The following DLC1 variants were observed in gnomAD, a reference collection of about 807,000 sequenced individuals.
DLC1 encodes the protein rho GTPase-activating protein 7.
A neutral mutation model predicts 140.3 loss-of-function variants in DLC1; 54 were observed. That is an observed-to-expected ratio of 0.38 (90% CI 0.31 to 0.48). The LOEUF (loss-of-function observed/expected upper bound fraction) is 0.48. DLC1 is among the 20% of genes least tolerant of loss of function. The pLI is 0.96. For synonymous variants in DLC1, 986 were observed against 728.1 expected, an observed-to-expected ratio of 1.35 and a Z score of -5.70; for missense variants, 2,536 against 1,907.0, an observed-to-expected ratio of 1.33 and a Z score of -6.14.
In DLC1 at chr8:13,095,068, C is replaced by A. The variant is rs202095993; in HGVS notation, c.3327+18G>T. ...CCGAGCTCCCCTGAGTACGTGGACC[C>A]GCAGGCAGCGCTCTCACCTGATCCA... On this transcript the variant is annotated intron_variant, in intron 11 of 17. Transcript: ENST00000276297. 6.8e-6 allele frequency: 11 copies of A among 1,613,864 alleles called. No individual in the cohort carries two copies. Among genetic ancestry groups the A allele is most frequent in the Middle Eastern group, 1.6e-4 (1 of 6,084 alleles).
intron 1 of DLC1, among the ~76,000 whole-genome samples, 190 bp from the exon 2 acceptor site, chr8:13,500,386 CT>C (rs1801757916): frequency 1.3e-5 from 2 of 152,110 alleles, no homozygotes; most frequent in African/African-American, 4.8e-5. Context: ...TTGAATATTT[CT>C]GATAAAAATC....
At chr8:13,289,543 C>A (rs1241965798) in intron 5 of DLC1, among the ~76,000 whole-genome samples, 1 of 152,178 alleles carries the variant, frequency 6.6e-6, no homozygotes, top group African/African-American at 2.4e-5. Context: ...GTTGCCCAGG[C>A]TGGCTTTGAA....
At chr8:13,174,765 T>G (rs1427803540) in intron 5 of DLC1, among the ~76,000 whole-genome samples, 2 of 152,206 alleles carry the variant, frequency 1.3e-5, no homozygotes, top group African/African-American at 4.8e-5. Flanking sequence ...ATATTAGAAC[T>G]TTGTCAGATG....
intron 2 of DLC1, among the ~76,000 whole-genome samples, chr8:13,408,429 C>T (rs1419634674): frequency 6.6e-6 from 1 of 152,158 alleles, no homozygotes; most frequent in East Asian, 1.9e-4. Context: ...TTCTCTTTTG[C>T]TAGGTTTTTA....
intron 5 of DLC1, among the ~76,000 whole-genome samples, chr8:13,259,442 A>G (rs546721997): frequency 8.0e-4 from 122 of 152,364 alleles, no homozygotes; most frequent in Non-Finnish European, 1.6e-3. Context: ...GCCTTGGAAG[A>G]GTCAATGCAA....
chr8:13,603,939 T>G (rs1805967027), intron 1 of DLC1, among the ~76,000 whole-genome samples: 1 of 152,084 alleles, frequency 6.6e-6, no homozygotes, highest in African/African-American at 2.4e-5. Context: ...GTTTGGTACA[T>G]TAGCTAATTG....
At chr8:13,564,337 C>T (rs1199945017) in intron 1 of DLC1, among the ~76,000 whole-genome samples, 1 of 152,120 alleles carries the variant, frequency 6.6e-6, no homozygotes, top group African/African-American at 2.4e-5. Flanking sequence ...CTTTCCTTCA[C>T]AAAAATGGCC....
At chr8:13,507,514 C>A (rs1474575328) in intron 1 of DLC1, among the ~76,000 whole-genome samples, 3 of 152,150 alleles carry the variant, frequency 2.0e-5, no homozygotes, top group Non-Finnish European at 4.4e-5. Flanking sequence ...CATTTAATAA[C>A]ATGATGCAAG....
chr8:13,449,956 T>C (rs1798964113), intron 2 of DLC1, among the ~76,000 whole-genome samples: 1 of 152,108 alleles, frequency 6.6e-6, no homozygotes, highest in African/African-American at 2.4e-5. Flanking sequence ...AGGTGATAGC[T>C]ATAACTTTAT....
intron 1 of DLC1, among the ~76,000 whole-genome samples, chr8:13,600,446 C>G (rs1446362408): frequency 6.6e-6 from 1 of 151,806 alleles, no homozygotes; most frequent in South Asian, 2.1e-4. Context: ...AGAAAATTAG[C>G]TACAACCGAA....
At chr8:13,162,486 C>T (rs11988335) in intron 5 of DLC1, among the ~76,000 whole-genome samples, 13,635 of 152,108 alleles carry the variant, frequency 0.09, 1,628 homozygotes, top group African/African-American at 0.27. Context: ...CCAAACCCGG[C>T]TAATTTTTAT....
intron 1 of DLC1, among the ~76,000 whole-genome samples, chr8:13,521,408 TAAAAAA>T (rs376802924): frequency 7.7e-6 from 1 of 129,536 alleles, no homozygotes. Context: ...AACTTAAAAT[TAAAAAA>T]AAAAAAAGTT....
At chr8:13,233,984 T>G (rs1243768128) in intron 5 of DLC1, among the ~76,000 whole-genome samples, 1 of 152,222 alleles carries the variant, frequency 6.6e-6, no homozygotes, top group Non-Finnish European at 1.5e-5. Context: ...AGCAAGTGTT[T>G]TCAATGTTTA....
At chr8:13,107,745 G>C (rs567108292) in intron 7 of DLC1, among the ~76,000 whole-genome samples, 2 of 152,214 alleles carry the variant, frequency 1.3e-5, no homozygotes, top group South Asian at 2.1e-4. Flanking sequence ...CTCAGAACTT[G>C]TACTACGTTT....
intron 1 of DLC1, among the ~76,000 whole-genome samples, chr8:13,533,339 A>G (rs999345073): frequency 1.3e-5 from 2 of 152,200 alleles, no homozygotes; most frequent in African/African-American, 2.4e-5. Context: ...TATATTTGAC[A>G]TGTAGTATAT....
intron 5 of DLC1, among the ~76,000 whole-genome samples, chr8:13,149,190 C>G (rs1055244518): frequency 1.3e-5 from 2 of 152,176 alleles, no homozygotes; most frequent in African/African-American, 4.8e-5. Flanking sequence ...GAGCTTAACT[C>G]AAGTAAACTT....
At chr8:13,164,296 C>CAAA (rs34355120) in intron 5 of DLC1, among the ~76,000 whole-genome samples, 3,592 of 147,868 alleles carry the variant, frequency 0.024, 152 homozygotes, top group African/African-American at 0.082. Flanking sequence ...AGACTTCTCT[C>CAAA]AAAAAAAAAA....
At chr8:13,191,981 G>A (rs1046070866) in intron 5 of DLC1, among the ~76,000 whole-genome samples, 5 of 150,358 alleles carry the variant, frequency 3.3e-5, no homozygotes, top group Non-Finnish European at 7.4e-5. Flanking sequence ...TTGCTCTGTT[G>A]CCCAGGCTGG....
intron 7 of DLC1, among the ~76,000 whole-genome samples, chr8:13,110,096 G>C (rs1200103464): frequency 6.6e-6 from 1 of 152,142 alleles, no homozygotes; most frequent in Non-Finnish European, 1.5e-5. Flanking sequence ...GTCTTGAAGA[G>C]CTTGAAAGGA....
Sources: gnomAD v4.1 joint callset for allele counts (sites outside exome capture counted in the v4.1 genomes callset) on GRCh38, gnomAD v4.1.1 for gene constraint, MANE v1.5 for transcripts, NCBI Gene and HGNC (gene_info 2026-07-23, HGNC 2026-07-21) for gene names.